Variants in FAM184A observed in about 807,000 individuals in gnomAD.
The protein encoded by FAM184A is family with sequence similarity 184 member A, also known as protein FAM184A.
Under a neutral mutation model 143.8 loss-of-function variants are expected in FAM184A, and 99 were observed. The ratio of observed to expected loss-of-function variants is 0.69; its 90% CI spans 0.58 to 0.81. The LOEUF is 0.81. Among genes scored for constraint, FAM184A ranks in the 40% least tolerant of loss-of-function variants. The probability of loss-of-function intolerance (pLI) is 0.00; values close to 1 mark genes in which losing one functional copy is unlikely to be tolerated. For missense variants in FAM184A, 1,217 were observed against 1,310.5 expected, an observed-to-expected ratio of 0.93 and a Z score of 1.10; for synonymous variants, 427 against 446.4, an observed-to-expected ratio of 0.96 and a Z score of 0.55.
At chr6:119,023,332 T>A (rs1295376647) in intron 2 of FAM184A, among the ~76,000 whole-genome samples, 1 of 152,180 alleles carries the variant, frequency 6.6e-6, no homozygotes, top group Non-Finnish European at 1.5e-5. Flanking sequence ...TATGAAATTT[T>A]CTAAGCCAAC....
intron 9 of FAM184A, among the ~76,000 whole-genome samples, chr6:118,989,122 C>T (rs1036541046): frequency 5.9e-5 from 9 of 152,040 alleles, no homozygotes; most frequent in South Asian, 2.1e-4. Context: ...CCACTGCGCC[C>T]GGCTAATTTT....
At chr6:119,092,755 T>C (rs1034894782) in intron 1 of FAM184A, among the ~76,000 whole-genome samples, 1 of 152,164 alleles carries the variant, frequency 6.6e-6, no homozygotes, top group African/African-American at 2.4e-5. Context: ...CCTTCAATTA[T>C]TGGGTTCTGG....
chr6:119,143,728 G>A (rs550963515), intron 1 of FAM184A, among the ~76,000 whole-genome samples: 5 of 152,190 alleles, frequency 3.3e-5, no homozygotes, highest in Non-Finnish European at 7.3e-5. Flanking sequence ...CACACTGTAC[G>A]ATCCCACTTG....
chr6:119,045,857 A>T (rs545227960), intron 1 of FAM184A, among the ~76,000 whole-genome samples: 2 of 152,340 alleles, frequency 1.3e-5, no homozygotes, highest in African/African-American at 4.8e-5. Context: ...TTAAGAACTA[A>T]TTATGCTTCT....
At chr6:119,004,975 A>T (rs1209380978) in intron 7 of FAM184A, among the ~76,000 whole-genome samples, 1 of 152,200 alleles carries the variant, frequency 6.6e-6, no homozygotes, top group East Asian at 1.9e-4. Context: ...ATATAAACAC[A>T]ACCTATATTC....
intron 1 of FAM184A, among the ~76,000 whole-genome samples, chr6:119,095,769 G>T (rs1224110549): frequency 6.6e-6 from 1 of 152,070 alleles, no homozygotes; most frequent in Non-Finnish European, 1.5e-5. Flanking sequence ...ATGTTGCCCA[G>T]GCTGGACTTG....
intron 4 of FAM184A, 106 bp downstream of exon 4, chr6:119,019,872 A>G (rs1049308677): frequency 1.0e-6 from 1 of 999,076 alleles, no homozygotes; most frequent in Non-Finnish European, 1.4e-6. Flanking sequence ...AAAGTAGGAA[A>G]TGTATTGTTA....
chr6:119,069,843 G>A lies in FAM184A; in HGVS notation c.159+8298C>T, dbSNP rs138033408. On this transcript the variant is annotated intron_variant, in intron 1 of 17. Transcript: ENST00000338891. ...AAATAATTCATTCTCTAATAATTTC[G>A]CATAAATAGGAATTTACCCTGTTAT... 4.8e-3 allele frequency among the ~76,000 whole-genome samples: 730 copies of A among 151,928 alleles called. 1 individual carries two copies. The highest frequency in any genetic ancestry group is 5.2e-3 in the Non-Finnish European group (353 of 67,954).
At position 119,120,848 on chromosome 6, in the gene FAM184A, CT is replaced by C. The variant is rs374951012; in HGVS notation, c.-202+28229del. 8.3e-3 allele frequency among the ~76,000 whole-genome samples: 813 copies of C among 98,186 alleles called. 2 individuals are homozygous for C. The highest frequency in any genetic ancestry group is 0.011 in the Non-Finnish European group (610 of 53,606). 64.4% of individuals were successfully genotyped at this position (98,186 alleles called of 152,430 possible). On this transcript the variant is annotated intron_variant, in intron 1 of 16. Coordinates refer to the FAM184A transcript ENST00000352896. Reference sequence around the variant, plus strand: ...TCTTCCTTTCTTTCTTTCTTTCTTTCTTTTTTTTTTTTTTTAGGAGACAGGG... The same window carrying C: ...TCTTCCTTTCTTTCTTTCTTTCTTTCTTTTTTTTTTTTTTAGGAGACAGGG...
At chr6:119,101,424 A>G (rs530168113) in intron 1 of FAM184A, among the ~76,000 whole-genome samples, 3 of 152,154 alleles carry the variant, frequency 2.0e-5, no homozygotes, top group Non-Finnish European at 4.4e-5. Flanking sequence ...AGTCCTTGAG[A>G]TAAATATTAT....
chr6:119,044,044 A>G (rs1046250998), intron 1 of FAM184A, among the ~76,000 whole-genome samples: 1 of 152,228 alleles, frequency 6.6e-6, no homozygotes, highest in South Asian at 2.1e-4. Flanking sequence ...AAAACAGTAG[A>G]GAGAACCAAT....
At chr6:119,102,540 CA>C (rs1788664406) in intron 1 of FAM184A, among the ~76,000 whole-genome samples, 1 of 151,900 alleles carries the variant, frequency 6.6e-6, no homozygotes, top group Admixed American at 6.6e-5. Flanking sequence ...GTAATCACAG[CA>C]CTTTGGAAGG....
chr6:119,020,245 T>C (rs1180986234), intron 3 of FAM184A, 86 bp from the exon 4 acceptor site: 86 of 1,040,498 alleles, frequency 8.3e-5, no homozygotes, highest in Non-Finnish European at 1.0e-4. Context: ...ACAACTGTAC[T>C]TTATACTTAA....
intron 1 of FAM184A, among the ~76,000 whole-genome samples, chr6:119,094,812 G>A (rs147082157): frequency 3.1e-4 from 47 of 152,256 alleles, no homozygotes; most frequent in African/African-American, 1.1e-3. Context: ...ACCGCAGTGG[G>A]CAATTGGGCT....
chr6:119,072,213 A>T (rs1229134224), intron 1 of FAM184A, among the ~76,000 whole-genome samples: 1 of 152,192 alleles, frequency 6.6e-6, no homozygotes, highest in Non-Finnish European at 1.5e-5. Flanking sequence ...AAGTCCCTTT[A>T]TAAGTTTGTG....
chr6:119,128,252 G>A lies in FAM184A; in HGVS notation c.-202+20826C>T, dbSNP rs151028597. On this transcript the variant is annotated intron_variant, in intron 1 of 16. Coordinates refer to the FAM184A transcript ENST00000352896. ...AAAAGCAGGCTTCTTTGGAAAGCCCGCAAAACCAAGAAGATGGTGGACTAG... is the reference window on the plus strand; with the variant it reads ...AAAAGCAGGCTTCTTTGGAAAGCCCACAAAACCAAGAAGATGGTGGACTAG... Among the ~76,000 whole-genome samples the A allele has an allele frequency of 7.2e-5, 11 of 152,246 alleles. No individual in the cohort carries two copies. The South Asian group carries it at 1.2e-3, about 17-fold the overall frequency.
intron 7 of FAM184A, among the ~76,000 whole-genome samples, chr6:119,004,213 GACCTGTTTGGA>G (rs771079360): frequency 1.7e-4 from 26 of 152,212 alleles, no homozygotes; most frequent in Non-Finnish European, 3.1e-4. Context: ...GGATAGAGGT[GACCTGTTTGGA>G]CAACAGTGGC....
Position 119,016,917 on chromosome 6 carries a change from G to T in FAM184A, c.1360C>A (p.Gln454Lys). ...TTAAGTTCCCTTTCATAATATTCTT[G>T]CTGAGTTCTCTTTGCTTCATTTACT... Reference protein sequence around the residue: ...KKVNEAKRTQQEYYERELKNL... With the variant: ...KKVNEAKRTQKEYYERELKNL... The change falls in exon 5 of 18, where the codon CAA (glutamine) becomes AAA (lysine). Residue 454 changes from glutamine to lysine, a missense_variant. By Grantham distance (53) the Gln-to-Lys change is moderately conservative. Coordinates refer to ENST00000338891, the MANE Select transcript of FAM184A (RefSeq NM_024581.6). 1 of 1,611,502 alleles carries T rather than the reference G, an allele frequency of 6.2e-7. No individual in the cohort carries two copies. The highest frequency in any genetic ancestry group is 1.3e-5 in the African/African-American group (1 of 74,802).
rs748282111 is a variant in FAM184A, at chr6:118,975,121, G to A, written c.2671C>T (p.Gln891Ter). The A allele has an allele frequency of 4.6e-5, 74 of 1,612,412 alleles. No individual in the cohort carries two copies. Among genetic ancestry groups the A allele is most frequent in the Non-Finnish European group, 6.1e-5 (72 of 1,179,046 alleles). The stretch of plus-strand genomic sequence containing the variant: ...GCACTTATATTCTCATGAAGGTGCT[G>A]AACCTCCTTATCCAATTCAGAGATG... ...HHISELDKEV[Q>*]HLHENISALT... is the part of the protein sequence containing the mutation. The change falls in exon 13 of 18, where the codon CAG becomes TAG. Residue 891 changes from glutamine to a stop codon, truncating the protein, a stop_gained. Coordinates refer to ENST00000338891, the MANE Select transcript of FAM184A (RefSeq NM_024581.6). LOFTEE classifies it high-confidence loss of function.
Sources: allele counts gnomAD v4.1 joint callset (sites outside exome capture counted in the v4.1 genomes callset), GRCh38; gene constraint gnomAD v4.1.1; transcripts MANE v1.5; gene names NCBI Gene and HGNC (gene_info 2026-07-23, HGNC 2026-07-21).